The following YEATS4 variants were observed in gnomAD, a reference collection of about 807,000 sequenced individuals.
The protein encoded by YEATS4 is YEATS domain-containing protein 4.
In YEATS4, 17 loss-of-function variants were observed where a neutral mutation model predicts 30.1. That is an observed-to-expected ratio of 0.56 (90% confidence interval 0.39 to 0.85). YEATS4 has a LOEUF of 0.85. Among genes scored for constraint, YEATS4 ranks in the 40% least tolerant of loss-of-function variants. The pLI, the probability that YEATS4 is intolerant of heterozygous loss-of-function variation, is 0.00. For synonymous variants in YEATS4, 85 were observed against 87.5 expected (o/e 0.97, Z 0.16); for missense variants, 142 against 268.3 (o/e 0.53, Z 3.29).
At chr12:69,385,368 A>C (rs972669538) in intron 6 of YEATS4, among the ~76,000 whole-genome samples, 2 of 152,160 alleles carry the variant, frequency 1.3e-5, no homozygotes, top group African/African-American at 4.8e-5. Flanking sequence ...TGGGAATATT[A>C]ATCAAAGGTC....
At chr12:69,406,888 C>T in the YEATS4 span, among the ~76,000 whole-genome samples, 65 of 152,106 alleles carry the variant, frequency 4.3e-4, 1 homozygote, top group Middle Eastern at 0.01. Flanking sequence ...GATCACAGCT[C>T]ACTGCAGCCT....
At chr12:69,362,016 T>G (rs55690274) in intron 1 of YEATS4, among the ~76,000 whole-genome samples, 3,299 of 111,298 alleles carry the variant, frequency 0.03, 173 homozygotes, top group African/African-American at 0.1. Context: ...TTTGGTTGTT[T>G]TTTTTTTTTT....
chr12:69,371,481 C>CAGAATG lies in YEATS4; in HGVS notation c.514+511_514+512insGAGAAT, dbSNP rs1293160130. Among the ~76,000 whole-genome samples the CAGAATG allele has an allele frequency of 3.9e-5, 6 of 152,310 alleles. No individual in the cohort carries two copies. The East Asian group carries it at 1.2e-3, about 29-fold the overall frequency. ...TTTTCTCTCTAAGCTGACATGGTCT[C>CAGAATG]AGAATTCTGTACGCATTAATCTGTG... On this transcript the variant is annotated intron_variant, in intron 6 of 6. Coordinates refer to ENST00000247843, the MANE Select transcript of YEATS4 (RefSeq NM_006530.4).
At chr12:69,414,423 G>C in the YEATS4 span, among the ~76,000 whole-genome samples, 1 of 152,052 alleles carries the variant, frequency 6.6e-6, no homozygotes, top group Admixed American at 6.6e-5. Context: ...TAGATACGGG[G>C]TCTCACTTTG....
chr12:69,375,641 C>G (rs537091997), intron 6 of YEATS4, among the ~76,000 whole-genome samples: 127 of 152,360 alleles, frequency 8.3e-4, no homozygotes, highest in African/African-American at 3.0e-3. Context: ...GAGACTCCGT[C>G]TGCAATCCCG....
chr12:69,394,743 G>T (rs1205115640), downstream of YEATS4, among the ~76,000 whole-genome samples: 1 of 152,014 alleles, frequency 6.6e-6, no homozygotes, highest in African/African-American at 2.4e-5. Context: ...CAAACTATAG[G>T]CCTTCACCAC....
At chr12:69,420,001 G>C in the YEATS4 span, among the ~76,000 whole-genome samples, 1 of 152,184 alleles carries the variant, frequency 6.6e-6, no homozygotes, top group African/African-American at 2.4e-5. Context: ...CAGAAGCTTT[G>C]GAAATTCTTC....
At chr12:69,408,692 T>A in the YEATS4 span, among the ~76,000 whole-genome samples, 4 of 152,294 alleles carry the variant, frequency 2.6e-5, no homozygotes, top group Non-Finnish European at 4.4e-5. Context: ...GCCCAAGTAG[T>A]CTCCAGAACT....
At chr12:69,385,771 TAGTG>T (rs1592859767) in intron 6 of YEATS4, among the ~76,000 whole-genome samples, 1 of 152,242 alleles carries the variant, frequency 6.6e-6, no homozygotes, top group Non-Finnish European at 1.5e-5. Flanking sequence ...AGTGAACACT[TAGTG>T]AGAGCTTACT....
In YEATS4 at chr12:69,370,949, T is replaced by G. The variant is rs1361505937; in HGVS notation, c.488T>G (p.Leu163Ter). ...QLLTTSRQLT[L>*]GAYKHETEFA... ...TTGACAACATCTCGTCAGCTAACAT[T>G]AGGAGCCTATAAGCATGAAACAGAA... is the stretch of plus-strand genomic sequence containing the variant. The change falls in exon 6 of 7, where the codon TTA (leucine) becomes TGA (stop). Residue 163 changes from leucine to a stop codon, truncating the protein, a stop_gained. Coordinates refer to ENST00000247843, the MANE Select transcript of YEATS4 (RefSeq NM_006530.4). LOFTEE classifies it high-confidence loss of function. 1 of 1,612,790 alleles carries G rather than the reference T, an allele frequency of 6.2e-7. No homozygotes were observed. The highest frequency in any genetic ancestry group is 1.7e-5 in the Admixed American group (1 of 59,896).
the YEATS4 span, among the ~76,000 whole-genome samples, chr12:69,404,314 A>G: frequency 2.6e-5 from 4 of 152,188 alleles, no homozygotes; most frequent in African/African-American, 9.7e-5. Context: ...GCTTGTTGCT[A>G]TGGTTTAAAT....
At chr12:69,369,161 C>G (rs1259316858) in intron 4 of YEATS4, among the ~76,000 whole-genome samples, 1 of 152,156 alleles carries the variant, frequency 6.6e-6, no homozygotes, top group Non-Finnish European at 1.5e-5. Context: ...TTAACAGTTA[C>G]CTGTTCTCAA....
In YEATS4 at chr12:69,378,914, A is replaced by G. The variant is rs1018790667; in HGVS notation, c.514+7939A>G. 2.5e-5 allele frequency among the ~76,000 whole-genome samples: 3 copies of G among 118,548 alleles called. No individual in the cohort carries two copies. In the Admixed American group the frequency reaches 2.6e-4, roughly 10 times the overall value. The allele number at this position is 118,548 out of a possible 152,430, so 77.8% of individuals were successfully genotyped here. A position where few individuals can be genotyped will look rare whatever the true frequency, so the allele number is the denominator to read the frequency against. On this transcript the variant is annotated intron_variant, in intron 6 of 6. Coordinates refer to ENST00000247843, the MANE Select transcript of YEATS4 (RefSeq NM_006530.4). ...ACTTATTAACATGCTTTTCTTTCAG[A>G]TTGAAGAACTTCAGCATTTCTTGTA...
At chr12:69,362,025 T>TTTGTTTTTTTG (rs1565673789) in intron 1 of YEATS4, among the ~76,000 whole-genome samples, 4 of 143,700 alleles carry the variant, frequency 2.8e-5, no homozygotes, top group Non-Finnish European at 4.6e-5. Flanking sequence ...TTTTTTTTTT[T>TTTGTTTTTTTG]TTTTTTTTTG....
the YEATS4 span, among the ~76,000 whole-genome samples, chr12:69,402,725 CTTTTTT>C: frequency 1.8e-5 from 2 of 113,116 alleles, no homozygotes; most frequent in African/African-American, 6.6e-5. Flanking sequence ...TCTTTCTTTT[CTTTTTT>C]TTTTTTTTTT....
downstream of YEATS4, among the ~76,000 whole-genome samples, chr12:69,393,355 C>T (rs185324004): frequency 9.7e-4 from 148 of 152,228 alleles, no homozygotes; most frequent in African/African-American, 3.4e-3. Flanking sequence ...GTAGTCCTAG[C>T]TGCTCAGGAG....
the YEATS4 span, among the ~76,000 whole-genome samples, chr12:69,407,140 C>CTT: frequency 4.9e-5 from 7 of 142,518 alleles, no homozygotes; most frequent in Non-Finnish European, 7.7e-5. Context: ...TTTATACATT[C>CTT]TTTTTTTTTT....
At chr12:69,390,914 T>G (rs375548150), downstream of YEATS4, 22 of 152,394 alleles carry the variant, frequency 1.4e-4, no homozygotes, top group African/African-American at 5.3e-4. Flanking sequence ...CATTGTCGCA[T>G]GTAGAAGCTC....
intron 2 of YEATS4, chr12:69,364,186 C>T (rs1875339618): frequency 2.2e-6 from 1 of 448,994 alleles, no homozygotes; most frequent in Admixed American, 2.4e-5. Flanking sequence ...GGCAAAATGG[C>T]TCATTCCTGT....
Sources: gnomAD v4.1 joint callset for allele counts (sites outside exome capture counted in the v4.1 genomes callset) on GRCh38, gnomAD v4.1.1 for gene constraint, MANE v1.5 for transcripts, NCBI Gene and HGNC (gene_info 2026-07-23, HGNC 2026-07-21) for gene names.